CSTPP1: variants seen among roughly 807,000 people sequenced by gnomAD.
CSTPP1 encodes UPF0705 protein C11orf49.
At chr11:47,028,153 G>A in the CSTPP1 span, among the ~76,000 whole-genome samples, 4 of 152,114 alleles carry the variant, frequency 2.6e-5, no homozygotes, top group East Asian at 1.9e-4. Flanking sequence ...TCGATCTCCC[G>A]ACCTTGTGAT....
At chr11:47,099,921 T>A in the CSTPP1 span, among the ~76,000 whole-genome samples, 1 of 152,214 alleles carries the variant, frequency 6.6e-6, no homozygotes, top group African/African-American at 2.4e-5. Flanking sequence ...CCGCAAGCAG[T>A]ATGAATGGGT....
the CSTPP1 span, among the ~76,000 whole-genome samples, chr11:46,966,567 A>C: frequency 6.6e-6 from 1 of 152,168 alleles, no homozygotes; most frequent in Non-Finnish European, 1.5e-5. Flanking sequence ...CCAAGTCTGA[A>C]CAACCAGGAT....
At chr11:47,112,459 T>C in the CSTPP1 span, among the ~76,000 whole-genome samples, 3 of 152,014 alleles carry the variant, frequency 2.0e-5, no homozygotes, top group Admixed American at 6.6e-5. Context: ...GTAGCTGGGA[T>C]TACAGGCATG....
At chr11:46,938,598 A>G in the CSTPP1 span, among the ~76,000 whole-genome samples, 1 of 151,510 alleles carries the variant, frequency 6.6e-6, no homozygotes, top group African/African-American at 2.4e-5. Flanking sequence ...TGCCTTTTCC[A>G]GAATATCATG....
the CSTPP1 span, among the ~76,000 whole-genome samples, chr11:46,965,623 C>T: frequency 1.3e-5 from 2 of 152,076 alleles, no homozygotes; most frequent in African/African-American, 4.8e-5. Flanking sequence ...TAATCTCTAG[C>T]TTAGTAATAG....
At chr11:47,140,213 C>T in the CSTPP1 span, among the ~76,000 whole-genome samples, 1 of 151,900 alleles carries the variant, frequency 6.6e-6, no homozygotes, top group African/African-American at 2.4e-5. Context: ...CTGATGGCAA[C>T]TGGCCACTGG....
chr11:47,089,935 G>T, the CSTPP1 span, among the ~76,000 whole-genome samples: 1 of 152,320 alleles, frequency 6.6e-6, no homozygotes, highest in East Asian at 1.9e-4. Flanking sequence ...AGTAAGATAG[G>T]TAGTAATTTA....
chr11:46,939,723 G>A, the CSTPP1 span, among the ~76,000 whole-genome samples: 56 of 152,106 alleles, frequency 3.7e-4, no homozygotes, highest in Admixed American at 3.7e-3. Flanking sequence ...CATCTGCCCA[G>A]TTTCCATCCA....
chr11:47,162,584 T>C, the CSTPP1 span, among the ~76,000 whole-genome samples: 1 of 151,974 alleles, frequency 6.6e-6, no homozygotes, highest in Non-Finnish European at 1.5e-5. Context: ...GTTAGAACAG[T>C]GGGATGCAGC....
chr11:47,159,573 G>C, the CSTPP1 span: 1 of 454,998 alleles, frequency 2.2e-6, no homozygotes, highest in Admixed American at 2.4e-5. Flanking sequence ...AGGCGGGTGG[G>C]ATCTGCCCTG....
the CSTPP1 span, among the ~76,000 whole-genome samples, chr11:46,956,058 G>A: frequency 1.3e-5 from 2 of 151,960 alleles, no homozygotes; most frequent in African/African-American, 4.8e-5. Flanking sequence ...ACAAGGGATG[G>A]AGGGTTTTCC....
the CSTPP1 span, among the ~76,000 whole-genome samples, chr11:47,050,790 C>T: frequency 7.9e-5 from 12 of 152,272 alleles, no homozygotes; most frequent in East Asian, 1.4e-3. Flanking sequence ...AATAGCACTG[C>T]GTGGTTAGGT....
the CSTPP1 span, among the ~76,000 whole-genome samples, chr11:47,082,099 A>G: frequency 6.7e-6 from 1 of 149,982 alleles, no homozygotes; most frequent in Non-Finnish European, 1.5e-5. Flanking sequence ...TCAGTGAGCC[A>G]TGATCACACC....
the CSTPP1 span, among the ~76,000 whole-genome samples, chr11:47,076,384 G>A: frequency 2.0e-5 from 3 of 152,090 alleles, no homozygotes; most frequent in South Asian, 2.1e-4. Context: ...CCAGGTTTCC[G>A]CCCATTCATT....
chr11:47,015,528 C>G, the CSTPP1 span, among the ~76,000 whole-genome samples: 1 of 151,786 alleles, frequency 6.6e-6, no homozygotes, highest in Admixed American at 6.6e-5. Flanking sequence ...GTATATATAT[C>G]AGAAACTCCA....
At chr11:47,013,697 A>T in the CSTPP1 span, among the ~76,000 whole-genome samples, 2 of 152,306 alleles carry the variant, frequency 1.3e-5, no homozygotes, top group African/African-American at 4.8e-5. Context: ...GTGAATGAAC[A>T]TATGCATGCA....
At chr11:47,037,769 GTC>G in the CSTPP1 span, among the ~76,000 whole-genome samples, 2 of 126,650 alleles carry the variant, frequency 1.6e-5, 1 homozygote, top group Admixed American at 1.7e-4. Context: ...AAAATGAAAA[GTC>G]TCCCACGTCT....
the CSTPP1 span, among the ~76,000 whole-genome samples, chr11:47,003,509 C>T: frequency 6.6e-6 from 1 of 152,210 alleles, no homozygotes; most frequent in Non-Finnish European, 1.5e-5. Context: ...TCCCGGCCCC[C>T]TTGCAGGTGC....
chr11:47,137,316 AT>A, the CSTPP1 span: 20 of 1,361,826 alleles, frequency 1.5e-5, no homozygotes, highest in Non-Finnish European at 1.7e-5. Context: ...GTTCTTCCAG[AT>A]TTTTATATAC....
Sources: allele counts gnomAD v4.1 joint callset (sites outside exome capture counted in the v4.1 genomes callset), GRCh38; gene constraint gnomAD v4.1.1; transcripts MANE v1.5; gene names NCBI Gene and HGNC (gene_info 2026-07-23, HGNC 2026-07-21).